Variants in GNA14 observed in about 807,000 individuals in gnomAD.
GNA14 encodes guanine nucleotide-binding protein subunit alpha-14.
In GNA14, 50 loss-of-function variants were observed where a neutral mutation model predicts 42.0. That is an observed-to-expected ratio of 1.19 (90% CI 0.95 to 1.51). GNA14 has a LOEUF of 1.51. Among genes scored for constraint, GNA14 ranks in the 40% most tolerant of loss-of-function variants. GNA14 has a pLI of 0.00. For synonymous variants in GNA14, 173 were observed against 163.1 expected, an observed-to-expected ratio of 1.06 and a Z score of -0.46; for missense variants, 473 against 446.2, an observed-to-expected ratio of 1.06 and a Z score of -0.54.
chr9:77,445,598 C>T (rs540953316), intron 2 of GNA14, among the ~76,000 whole-genome samples: 2 of 151,124 alleles, frequency 1.3e-5, no homozygotes, highest in African/African-American at 4.9e-5. Context: ...AAAATATTTG[C>T]CAGGCATGGT....
chr9:77,445,142 C>T (rs1045838612), intron 2 of GNA14, among the ~76,000 whole-genome samples: 1 of 152,240 alleles, frequency 6.6e-6, no homozygotes, highest in Non-Finnish European at 1.5e-5. Context: ...GAAGGGGCTA[C>T]ATCTTCCCTT....
intron 2 of GNA14, among the ~76,000 whole-genome samples, chr9:77,465,508 T>C (rs146670332): frequency 7.2e-4 from 110 of 152,300 alleles, no homozygotes; most frequent in Non-Finnish European, 1.3e-3. Context: ...CTTTTGGGTA[T>C]ACGCCTAGGA....
intron 5 of GNA14, 42 bp downstream of exon 5, chr9:77,428,865 G>A: frequency 6.2e-7 from 1 of 1,602,564 alleles, no homozygotes; most frequent in Non-Finnish European, 8.5e-7. Context: ...CACAGAATAG[G>A]CTCTGGCTTC....
chr9:77,595,586 C>T (rs138004252), intron 1 of GNA14, among the ~76,000 whole-genome samples: 84 of 152,308 alleles, frequency 5.5e-4, no homozygotes, highest in Admixed American at 1.8e-3. Flanking sequence ...CATCATACTA[C>T]TCCCTTCCGA....
At chr9:77,630,038 G>C (rs1274405757) in intron 1 of GNA14, among the ~76,000 whole-genome samples, 1 of 151,764 alleles carries the variant, frequency 6.6e-6, no homozygotes, top group South Asian at 2.1e-4. Context: ...GTGATTATTT[G>C]ATTTGATTAC....
chr9:77,533,501 T>C (rs1274299209), intron 1 of GNA14, among the ~76,000 whole-genome samples: 2 of 152,220 alleles, frequency 1.3e-5, no homozygotes, highest in Non-Finnish European at 2.9e-5. Flanking sequence ...ATATTTGAGA[T>C]AGTTGCTCAC....
chr9:77,466,594 T>A (rs1836231075), intron 2 of GNA14, among the ~76,000 whole-genome samples: 1 of 151,988 alleles, frequency 6.6e-6, no homozygotes, highest in African/African-American at 2.4e-5. Context: ...AAGTTCAACC[T>A]CTGGGGCCTT....
rs752010673 is a variant in GNA14, at chr9:77,431,409, C to T, written c.505G>A (p.Val169Met). Residue 169 changes from valine (V) to methionine (M), a missense_variant, in exon 4 of 7, where the codon GTG becomes ATG. By Grantham distance (21) the Val-to-Met change is conservative. Coordinates refer to ENST00000341700, the MANE Select transcript of GNA14 (RefSeq NM_004297.4). ...CGAAGCACATCTTGTTGGGTAGGCA[C>T]GAATGATGGTGTGGCGATGCGGTCA... ...DIDRIATPSF[V>M]PTQQDVLRVR... is the part of the protein sequence containing the mutation. The T allele has an allele frequency of 9.9e-6, 16 of 1,613,426 alleles. No individual in the cohort carries two copies. Among genetic ancestry groups the T allele is most frequent in the Middle Eastern group, 1.7e-4 (1 of 6,060 alleles).
chr9:77,478,016 C>A (rs1169131449), intron 2 of GNA14, among the ~76,000 whole-genome samples: 1 of 142,154 alleles, frequency 7.0e-6, no homozygotes, highest in Admixed American at 7.2e-5. Flanking sequence ...AATGAGAGAC[C>A]TTTTTAAAGG....
At chr9:77,507,000 GA>G (rs1267255625) in intron 2 of GNA14, among the ~76,000 whole-genome samples, 2 of 152,116 alleles carry the variant, frequency 1.3e-5, no homozygotes, top group Non-Finnish European at 2.9e-5. Context: ...ATCTTATTTG[GA>G]AGTGTACAGG....
At chr9:77,424,774 G>A (rs1012216999) in intron 6 of GNA14, among the ~76,000 whole-genome samples, 1 of 152,120 alleles carries the variant, frequency 6.6e-6, no homozygotes, top group Non-Finnish European at 1.5e-5. Context: ...TAACACATAT[G>A]GACAGACAGC....
At chr9:77,629,150 A>G (rs995620619) in intron 1 of GNA14, among the ~76,000 whole-genome samples, 6 of 152,266 alleles carry the variant, frequency 3.9e-5, no homozygotes, top group Non-Finnish European at 7.3e-5. Context: ...ACTGGTCATT[A>G]GAGAAATGCA....
intron 2 of GNA14, among the ~76,000 whole-genome samples, chr9:77,460,787 G>A (rs574799283): frequency 4.3e-4 from 66 of 152,306 alleles, no homozygotes; most frequent in Admixed American, 3.1e-3. Context: ...TGAAAAGAAC[G>A]AAGTGCATTA....
intron 1 of GNA14, among the ~76,000 whole-genome samples, chr9:77,622,122 A>G (rs80008315): frequency 6.6e-6 from 1 of 152,216 alleles, no homozygotes; most frequent in Non-Finnish European, 1.5e-5. Context: ...AAATGTTTAA[A>G]TGAAAGAAAA....
At chr9:77,495,150 G>A (rs1017794955) in intron 2 of GNA14, among the ~76,000 whole-genome samples, 12 of 152,132 alleles carry the variant, frequency 7.9e-5, no homozygotes, top group Admixed American at 5.2e-4. Context: ...GAGCAAACAC[G>A]AAGAAATAGA....
At chr9:77,500,434 A>G (rs1479983650) in intron 2 of GNA14, among the ~76,000 whole-genome samples, 2 of 152,376 alleles carry the variant, frequency 1.3e-5, no homozygotes, top group East Asian at 1.9e-4. Context: ...AATAGTACAG[A>G]GAGATCTTGT....
chr9:77,646,268 G>A (rs912078745), intron 1 of GNA14, among the ~76,000 whole-genome samples: 2 of 152,196 alleles, frequency 1.3e-5, no homozygotes, highest in African/African-American at 4.8e-5. Flanking sequence ...GAGCTCTCCA[G>A]GGATCAGGTC....
chr9:77,521,390 A>C (rs1031150278), intron 2 of GNA14, among the ~76,000 whole-genome samples: 2 of 152,178 alleles, frequency 1.3e-5, no homozygotes, highest in Admixed American at 1.3e-4. Context: ...GGGACAGAAA[A>C]ATTTATTTAA....
chr9:77,458,905 G>GAT (rs1554689041), intron 2 of GNA14, among the ~76,000 whole-genome samples: 1 of 47,952 alleles, frequency 2.1e-5, no homozygotes, highest in African/African-American at 1.9e-4. Flanking sequence ...ACAAGCTGGA[G>GAT]GGGGGGGGGT....
Sources: gnomAD v4.1 joint callset for allele counts (sites outside exome capture counted in the v4.1 genomes callset) on GRCh38, gnomAD v4.1.1 for gene constraint, MANE v1.5 for transcripts, NCBI Gene and HGNC (gene_info 2026-07-23, HGNC 2026-07-21) for gene names.